Variants in SHROOM3 observed in about 807,000 individuals in gnomAD.
The protein encoded by SHROOM3 is shroom family member 3.
Under a neutral mutation model 138.6 loss-of-function variants are expected in SHROOM3, and 47 were observed. The ratio of observed to expected loss-of-function variants is 0.34; its 90% confidence interval spans 0.27 to 0.43. The LOEUF is 0.43. SHROOM3 is among the 20% of genes least tolerant of loss of function. The pLI, the probability that SHROOM3 is intolerant of heterozygous loss-of-function variation, is 1.00. For missense variants in SHROOM3, 2,491 were observed against 2,596.5 expected (o/e 0.96, Z 0.88); for synonymous variants, 1,062 against 1,063.3 (o/e 1.00, Z 0.02).
intron 1 of SHROOM3, among the ~76,000 whole-genome samples, chr4:76,450,270 T>A (rs957300398): frequency 6.6e-6 from 1 of 152,196 alleles, no homozygotes; most frequent in African/African-American, 2.4e-5. Flanking sequence ...AAGTATACTT[T>A]TTCATACATT....
At chr4:76,568,119 G>T (rs968001226) in intron 2 of SHROOM3, among the ~76,000 whole-genome samples, 4 of 152,056 alleles carry the variant, frequency 2.6e-5, no homozygotes, top group Non-Finnish European at 5.9e-5. Flanking sequence ...GATTTTGTTC[G>T]GTGTGGTATC....
At chr4:76,726,092 T>G (rs1351014325) in intron 3 of SHROOM3, among the ~76,000 whole-genome samples, 1 of 152,168 alleles carries the variant, frequency 6.6e-6, no homozygotes, top group Non-Finnish European at 1.5e-5. Flanking sequence ...TTGCAAGGAC[T>G]TGCTAGTTGC....
chr4:76,603,184 C>G (rs550017898), intron 2 of SHROOM3, among the ~76,000 whole-genome samples: 1 of 151,984 alleles, frequency 6.6e-6, no homozygotes, highest in South Asian at 2.1e-4. Context: ...TTTGGAAGGC[C>G]GAGGAGAACG....
chr4:76,734,513 CTT>C (rs35737209), intron 4 of SHROOM3, among the ~76,000 whole-genome samples: 24 of 137,628 alleles, frequency 1.7e-4, no homozygotes, highest in East Asian at 1.3e-3. Flanking sequence ...TTTAAAAATA[CTT>C]TTTTTTTTTT....
chr4:76,748,345 A>G (rs1185078383), intron 5 of SHROOM3, among the ~76,000 whole-genome samples: 1 of 152,156 alleles, frequency 6.6e-6, no homozygotes, highest in Non-Finnish European at 1.5e-5. Flanking sequence ...ATATATTATC[A>G]TCAATGGCAA....
chr4:76,745,908 G>A (rs1001632321), intron 5 of SHROOM3, among the ~76,000 whole-genome samples: 9 of 152,224 alleles, frequency 5.9e-5, no homozygotes, highest in Non-Finnish European at 1.0e-4. Flanking sequence ...TTGAACTCAC[G>A]AGGCAGAGGT....
intron 2 of SHROOM3, among the ~76,000 whole-genome samples, chr4:76,586,637 A>G (rs982991019): frequency 1.3e-5 from 2 of 152,262 alleles, no homozygotes; most frequent in Non-Finnish European, 2.9e-5. Context: ...TGCTGACAAA[A>G]TAATATAAAA....
chr4:76,733,264 T>C (rs1008067647), intron 4 of SHROOM3, among the ~76,000 whole-genome samples: 6 of 152,268 alleles, frequency 3.9e-5, no homozygotes, highest in Non-Finnish European at 7.4e-5. Flanking sequence ...AAGTACAGTA[T>C]TTTCAAGGCT....
At chr4:76,650,264 C>T (rs1364670797) in intron 2 of SHROOM3, among the ~76,000 whole-genome samples, 1 of 152,090 alleles carries the variant, frequency 6.6e-6, no homozygotes, top group African/African-American at 2.4e-5. Flanking sequence ...TAAAATGGCT[C>T]ATATTCAAAA....
At chr4:76,536,294 T>C (rs1232016648) in intron 1 of SHROOM3, among the ~76,000 whole-genome samples, 1 of 152,256 alleles carries the variant, frequency 6.6e-6, no homozygotes, top group Non-Finnish European at 1.5e-5. Context: ...TCTTGGATGA[T>C]GGGTTGAGAG....
At chr4:76,633,159 C>A (rs1735374083) in intron 2 of SHROOM3, among the ~76,000 whole-genome samples, 3 of 151,404 alleles carry the variant, frequency 2.0e-5, no homozygotes. Context: ...TCTCTTGAGG[C>A]CAGGAGTTTG....
chr4:76,674,041 T>C (rs561192943), intron 2 of SHROOM3, among the ~76,000 whole-genome samples: 1 of 151,902 alleles, frequency 6.6e-6, no homozygotes, highest in East Asian at 1.9e-4. Context: ...CCCAACTACT[T>C]TTTTTTTCTT....
intron 8 of SHROOM3, 124 bp downstream of exon 8, chr4:76,757,061 A>G: frequency 6.7e-7 from 1 of 1,489,952 alleles, no homozygotes; most frequent in South Asian, 1.2e-5. Flanking sequence ...CAAGAGTGAC[A>G]TTTTATCTCA....
At chr4:76,697,387 A>G (rs1041739939) in intron 2 of SHROOM3, among the ~76,000 whole-genome samples, 6 of 152,188 alleles carry the variant, frequency 3.9e-5, no homozygotes, top group Admixed American at 6.5e-5. Context: ...GGTAGTTTCT[A>G]GTAGAAAGCA....
intron 3 of SHROOM3, among the ~76,000 whole-genome samples, chr4:76,727,411 A>T (rs1455263110): frequency 6.6e-6 from 1 of 152,218 alleles, no homozygotes; most frequent in Non-Finnish European, 1.5e-5. Context: ...GGATGGAACA[A>T]GGTGATAAAC....
intron 10 of SHROOM3, among the ~76,000 whole-genome samples, chr4:76,774,380 A>G (rs1339040361): frequency 2.0e-5 from 3 of 152,206 alleles, no homozygotes; most frequent in African/African-American, 4.8e-5. Flanking sequence ...AACTAAAACT[A>G]TAAGTAGAAA....
At chr4:76,670,965 A>T (rs1408688369) in intron 2 of SHROOM3, among the ~76,000 whole-genome samples, 2 of 151,992 alleles carry the variant, frequency 1.3e-5, no homozygotes, top group Non-Finnish European at 2.9e-5. Context: ...TAAATAAATA[A>T]AAATAAAAGA....
At position 76,674,940 on chromosome 4, in the gene SHROOM3, G is replaced by A. The variant is rs548727646; in HGVS notation, c.324-35216G>A. Among the ~76,000 whole-genome samples the A allele has an allele frequency of 6.6e-5, 10 of 152,222 alleles. No homozygotes were observed. In the East Asian group the frequency reaches 1.9e-3, roughly 29 times the overall value. On this transcript the variant is annotated intron_variant, in intron 2 of 10. Transcript: ENST00000296043. ...ACTCTTCAGCAACTGTGGCATACTA[G>A]TCTCTGGTCTTAGGGTTCATACCGG...
intron 2 of SHROOM3, among the ~76,000 whole-genome samples, chr4:76,603,014 T>C (rs762260044): frequency 3.9e-5 from 6 of 152,220 alleles, no homozygotes; most frequent in Non-Finnish European, 7.3e-5. Flanking sequence ...TTTCTGTATT[T>C]GTACTAAAGA....
Sources: gnomAD v4.1 joint callset for allele counts (sites outside exome capture counted in the v4.1 genomes callset) on GRCh38, gnomAD v4.1.1 for gene constraint, MANE v1.5 for transcripts, NCBI Gene and HGNC (gene_info 2026-07-23, HGNC 2026-07-21) for gene names.